The following NME6 variants were observed in gnomAD, a reference collection of about 807,000 sequenced individuals.
NME6 encodes the protein NME/NM23 nucleoside diphosphate kinase 6.
NME6 carries 16 observed loss-of-function variants against 22.2 expected under a neutral mutation model. That is an observed-to-expected ratio of 0.72 (90% confidence interval 0.49 to 1.09). The LOEUF (loss-of-function observed/expected upper bound fraction) is 1.09. Ranked by LOEUF, NME6 falls within the 50% of genes least tolerant of loss-of-function variation. NME6 has a pLI of 0.00. For missense variants in NME6, 229 were observed against 239.0 expected, an observed-to-expected ratio of 0.96 and a Z score of 0.28; for synonymous variants, 58 against 85.2, an observed-to-expected ratio of 0.68 and a Z score of 1.76.
At chr3:48,289,796 G>C (rs77957078), downstream of NME6, among the ~76,000 whole-genome samples, 33,011 of 152,124 alleles carry the variant, frequency 0.22, 4,440 homozygotes, top group Non-Finnish European at 0.3. Flanking sequence ...ATTGTAATAG[G>C]AAAATTTTGG....
At chr3:48,298,022 A>G in intron 2 of NME6, 1 of 251,288 alleles carries the variant, frequency 4.0e-6, no homozygotes, top group South Asian at 4.0e-5. Context: ...CCTCCAGATA[A>G]GGACCTGGTC....
Position 48,295,091 on chromosome 3 carries a change from G to A in NME6, c.378C>T (p.Asn126=), listed in dbSNP as rs2034924970. The change falls in exon 5 of 6, where the codon AAC becomes AAT. Residue 126 remains asparagine, a synonymous_variant. Transcript: ENST00000442597. ...GGGACTCACCCGAACCATGGGTGGT[G>A]TTGCGGGTGTCAGTGAGGCCGAAAC... is the stretch of plus-strand genomic sequence containing the variant. The part of the protein sequence containing the change: ...RGSFGLTDTR[N]TTHGSDSVVS... The A allele has an allele frequency of 1.9e-6, 3 of 1,614,118 alleles. No individual in the cohort carries two copies. Among genetic ancestry groups the A allele is most frequent in the Non-Finnish European group, 2.5e-6 (3 of 1,180,008 alleles).
chr3:48,301,261 A>T (rs750252069), intron 1 of NME6, 92 bp downstream of exon 1: 3 of 1,589,088 alleles, frequency 1.9e-6, no homozygotes, highest in Non-Finnish European at 1.7e-6. Context: ...GCAACCGCGC[A>T]GCCCTCACCC....
intron 1 of NME6, chr3:48,300,824 G>A (rs1316677936): frequency 5.9e-6 from 1 of 170,548 alleles, no homozygotes; most frequent in African/African-American, 2.4e-5. Context: ...GAGGCGGGCG[G>A]ATCACGAAGT....
chr3:48,299,312 G>T (rs1045184514), intron 1 of NME6: 2 of 225,730 alleles, frequency 8.9e-6, no homozygotes, highest in African/African-American at 2.3e-5. Context: ...TTGTAGAAAT[G>T]ATATAATGGA....
At chr3:48,301,206 C>G (rs935513083) in intron 1 of NME6, 147 bp downstream of exon 1, 8 of 1,464,662 alleles carry the variant, frequency 5.5e-6, no homozygotes, top group South Asian at 1.3e-5. Context: ...GCCCCCCGGG[C>G]TCACGGCCTC....
chr3:48,297,121 G>C (rs563469822), intron 2 of NME6, among the ~76,000 whole-genome samples: 4 of 152,172 alleles, frequency 2.6e-5, no homozygotes, highest in Admixed American at 6.5e-5. Context: ...TCCTGCCTTG[G>C]GTTTCTCTCA....
At position 48,292,383 on chromosome 3, in the gene NME6, T is replaced by C. The variant is rs1559993453; in HGVS notation, c.*2254A>G. The C allele has an allele frequency of 6.6e-6, 1 of 152,236 alleles. No individual in the cohort carries two copies. Among genetic ancestry groups the C allele is most frequent in the East Asian group, 1.9e-4 (1 of 5,198 alleles). 9.4% of individuals were successfully genotyped at this position (152,236 alleles called of 1,614,324 possible). A position where few individuals can be genotyped will look rare whatever the true frequency, so the allele number is the denominator to read the frequency against. Reference sequence around the variant, plus strand: ...TCCATATTTGTGGGAGCCAGGTTTTTATGAGACAATTTTATTGGGAGATAA... The same window carrying C: ...TCCATATTTGTGGGAGCCAGGTTTTCATGAGACAATTTTATTGGGAGATAA... On this transcript the variant is annotated 3_prime_UTR_variant, in exon 6 of 6. Transcript: ENST00000442597.
chr3:48,301,271 C>T, intron 1 of NME6, 82 bp downstream of exon 1: 4 of 1,596,342 alleles, frequency 2.5e-6, no homozygotes, highest in South Asian at 1.1e-5. Flanking sequence ...AGCCCTCACC[C>T]CTCGTACCCG....
rs1328651541 is a variant in NME6, at chr3:48,293,259, G to A, written c.*1378C>T. The A allele has an allele frequency of 6.6e-6, 1 of 152,202 alleles. No individual in the cohort carries two copies. The highest frequency in any genetic ancestry group is 1.5e-5 in the Non-Finnish European group (1 of 68,044). 9.4% of individuals were successfully genotyped at this position (152,202 alleles called of 1,614,324 possible). On this transcript the variant is annotated 3_prime_UTR_variant, in exon 6 of 6. Coordinates refer to ENST00000442597, the MANE Select transcript of NME6 (RefSeq NM_001308426.2). ...TATTGCCAGCTGATGCTTTCAGATA[G>A]ATGCTGTTTATATTTTGCACAGCTT...
At chr3:48,299,951 C>T (rs1366614702) in intron 1 of NME6, among the ~76,000 whole-genome samples, 7 of 152,150 alleles carry the variant, frequency 4.6e-5, no homozygotes, top group Admixed American at 4.6e-4. Flanking sequence ...TCTTCATATC[C>T]ACACGATCAC....
In NME6 at chr3:48,294,806, G is replaced by A; in HGVS notation, c.395-3C>T. On this transcript the variant is annotated splice_polypyrimidine_tract_variant and splice_region_variant and intron_variant, in intron 5 of 5. Coordinates refer to ENST00000442597, the MANE Select transcript of NME6 (RefSeq NM_001308426.2). The stretch of plus-strand genomic sequence containing the variant: ...TCTGCTGGCTGAAACCACAGAGTCT[G>A]TAAGGGGAGATAAGACAGAGAAGGG... 6.2e-7 allele frequency: 1 copy of A among 1,613,146 alleles called. No individual in the cohort carries two copies. The highest frequency in any genetic ancestry group is 8.5e-7 in the Non-Finnish European group (1 of 1,179,222).
At chr3:48,296,394 A>C (rs1428436825) in intron 3 of NME6, among the ~76,000 whole-genome samples, 4 of 152,166 alleles carry the variant, frequency 2.6e-5, no homozygotes, top group African/African-American at 4.8e-5. Flanking sequence ...GAGGGATATA[A>C]CAACACCTAC....
intron 1 of NME6, among the ~76,000 whole-genome samples, chr3:48,299,816 A>G (rs1053658395): frequency 1.3e-5 from 2 of 152,126 alleles, no homozygotes; most frequent in Non-Finnish European, 2.9e-5. Flanking sequence ...CACTCAAACC[A>G]TAAAGCCACA....
intron 2 of NME6, 30 bp downstream of exon 2, chr3:48,298,397 A>G (rs1281450814): frequency 1.3e-6 from 2 of 1,587,580 alleles, no homozygotes; most frequent in Admixed American, 1.7e-5. Flanking sequence ...TTCCCAGGGC[A>G]TGCGGTAGAG....
At chr3:48,290,252 TAAA>T (rs537375330), downstream of NME6, among the ~76,000 whole-genome samples, 4 of 151,118 alleles carry the variant, frequency 2.6e-5, no homozygotes, top group African/African-American at 9.7e-5. Flanking sequence ...TTATTAAAAT[TAAA>T]AAAAAATTTT....
downstream of NME6, among the ~76,000 whole-genome samples, chr3:48,289,011 A>G (rs2034294843): frequency 6.6e-6 from 1 of 152,130 alleles, no homozygotes; most frequent in African/African-American, 2.4e-5. Flanking sequence ...CTTAGTATTC[A>G]GTGTGCAGTG....
Position 48,294,326 on chromosome 3 carries a change from C to T in NME6, c.*311G>A, listed in dbSNP as rs1378571189. On this transcript the variant is annotated 3_prime_UTR_variant, in exon 6 of 6. Transcript: ENST00000442597. ...TGACCTTGTGATCCGCCTGCCTCGG[C>T]CTCCCAAAGTGCTGGGATTATAGGC... The T allele has an allele frequency of 3.7e-5, 8 of 216,816 alleles. No homozygotes were observed. The East Asian group carries it at 7.6e-4, about 21-fold the overall frequency. 13.4% of individuals were successfully genotyped at this position (216,816 alleles called of 1,614,324 possible). A position where few individuals can be genotyped will look rare whatever the true frequency, so the allele number is the denominator to read the frequency against.
In NME6 at chr3:48,294,362, G is replaced by A. The variant is rs571316188; in HGVS notation, c.*275C>T. 63 of 322,900 alleles carry A rather than the reference G, an allele frequency of 2.0e-4. No homozygotes were observed. The East Asian group carries it at 2.8e-3, about 14-fold the overall frequency. The allele number at this position is 322,900 out of a possible 1,614,324, so 20.0% of individuals were successfully genotyped here. ...GCTGGGATTATAGGCGTGAGCCACC[G>A]TGCCCGGCCTGGCAAGCTTCTTCTT... On this transcript the variant is annotated 3_prime_UTR_variant, in exon 6 of 6. Transcript: ENST00000442597.
Sources: gnomAD v4.1 joint callset for allele counts (sites outside exome capture counted in the v4.1 genomes callset) on GRCh38, gnomAD v4.1.1 for gene constraint, MANE v1.5 for transcripts, NCBI Gene and HGNC (gene_info 2026-07-23, HGNC 2026-07-21) for gene names.